The following RPTOR variants were observed in gnomAD, a reference collection of about 807,000 sequenced individuals.
RPTOR encodes the protein regulatory associated protein of MTOR complex 1.
RPTOR carries 21 observed loss-of-function variants against 169.9 expected under a neutral mutation model. The observed-to-expected ratio is 0.12, with a 90% CI of 0.09 to 0.18. RPTOR has a LOEUF of 0.18. Among genes scored for constraint, RPTOR ranks in the 10% least tolerant of loss-of-function variants. The probability of loss-of-function intolerance (pLI) is 1.00; values close to 1 mark genes in which losing one functional copy is unlikely to be tolerated. For synonymous variants in RPTOR, 732 were observed against 753.2 expected (o/e 0.97, Z 0.46); for missense variants, 1,133 against 1,855.9 (o/e 0.61, Z 7.16).
chr17:80,667,000 C>T (rs2065785275), intron 3 of RPTOR, among the ~76,000 whole-genome samples: 1 of 152,194 alleles, frequency 6.6e-6, no homozygotes, highest in Non-Finnish European at 1.5e-5. Context: ...GTAGGTGGCA[C>T]TTGTTGAGTG....
At chr17:80,756,298 T>G (rs1300808021) in intron 6 of RPTOR, among the ~76,000 whole-genome samples, 3 of 152,220 alleles carry the variant, frequency 2.0e-5, no homozygotes, top group Non-Finnish European at 2.9e-5. Context: ...GATGCCACTC[T>G]TTGACCTTGG....
chr17:80,657,777 A>G (rs1004387009), intron 3 of RPTOR, among the ~76,000 whole-genome samples: 1 of 152,188 alleles, frequency 6.6e-6, no homozygotes, highest in African/African-American at 2.4e-5. Context: ...TATTTAGTCC[A>G]TTTACATTTA....
At chr17:80,677,078 G>A (rs1047318720) in intron 3 of RPTOR, among the ~76,000 whole-genome samples, 1 of 152,200 alleles carries the variant, frequency 6.6e-6, no homozygotes, top group Non-Finnish European at 1.5e-5. Flanking sequence ...TCAGGGGCAC[G>A]CTGTTGCATT....
At chr17:80,613,164 T>A (rs1467141119) in intron 1 of RPTOR, among the ~76,000 whole-genome samples, 1 of 152,152 alleles carries the variant, frequency 6.6e-6, no homozygotes, top group Non-Finnish European at 1.5e-5. Flanking sequence ...GCCACTTTCC[T>A]GCCTCTGCTC....
chr17:80,634,603 C>CTGTGTG (rs560638674), intron 2 of RPTOR, among the ~76,000 whole-genome samples: 1 of 26,214 alleles, frequency 3.8e-5, no homozygotes, highest in East Asian at 9.9e-4. Context: ...TGTGTGCGTA[C>CTGTGTG]TGTGTGTGTA....
At chr17:80,766,196 C>T (rs2066785516) in intron 6 of RPTOR, among the ~76,000 whole-genome samples, 1 of 152,284 alleles carries the variant, frequency 6.6e-6, no homozygotes, top group African/African-American at 2.4e-5. Context: ...ACTGGGACTA[C>T]AGGTGTATGC....
intron 11 of RPTOR, among the ~76,000 whole-genome samples, chr17:80,850,122 T>A (rs1250317617): frequency 6.6e-6 from 1 of 152,208 alleles, no homozygotes; most frequent in Non-Finnish European, 1.5e-5. Flanking sequence ...ATGCATGCAC[T>A]GCGTAGTGGT....
At chr17:80,893,400 G>T (rs1047921512) in intron 19 of RPTOR, among the ~76,000 whole-genome samples, 1 of 147,900 alleles carries the variant, frequency 6.8e-6, no homozygotes, top group Non-Finnish European at 1.5e-5. Flanking sequence ...GCCAGGGTGT[G>T]TGTGTGTGTG....
At chr17:80,830,146 A>G (rs1004036388) in intron 9 of RPTOR, among the ~76,000 whole-genome samples, 2 of 152,292 alleles carry the variant, frequency 1.3e-5, no homozygotes, top group East Asian at 3.9e-4. Context: ...CCCACGCTAT[A>G]GGTGTACACA....
chr17:80,565,190 G>A (rs1398714365), intron 1 of RPTOR, among the ~76,000 whole-genome samples: 1 of 152,164 alleles, frequency 6.6e-6, no homozygotes, highest in African/African-American at 2.4e-5. Flanking sequence ...TGAAAGTTTT[G>A]TAGAAAAACA....
intron 4 of RPTOR, among the ~76,000 whole-genome samples, chr17:80,712,053 A>T (rs927114987): frequency 5.9e-5 from 9 of 152,224 alleles, no homozygotes; most frequent in African/African-American, 2.2e-4. Flanking sequence ...AGTCTTTTTT[A>T]AAATAATAGA....
intron 4 of RPTOR, among the ~76,000 whole-genome samples, chr17:80,727,760 G>A (rs1169353976): frequency 6.9e-6 from 1 of 145,020 alleles, no homozygotes; most frequent in Non-Finnish European, 1.6e-5. Context: ...ATAATTTTCA[G>A]CTTTTTTTTT....
chr17:80,789,177 A>G (rs749550387), intron 6 of RPTOR, among the ~76,000 whole-genome samples: 24 of 152,170 alleles, frequency 1.6e-4, no homozygotes, highest in Admixed American at 7.9e-4. Flanking sequence ...ACTAATTCCA[A>G]TATCTGGCCA....
At position 80,896,542 on chromosome 17, in the gene RPTOR, C is replaced by T. The variant is rs531689614; in HGVS notation, c.2401+2677C>T. ...CCCGCATAGCCACCCCGGCACCCCACGGCCGCGCCGACACCCCACACAGCC... is the reference window on the plus strand; with the variant it reads ...CCCGCATAGCCACCCCGGCACCCCATGGCCGCGCCGACACCCCACACAGCC... On this transcript the variant is annotated intron_variant, in intron 20 of 33. Coordinates refer to ENST00000306801, the MANE Select transcript of RPTOR (RefSeq NM_020761.3). Among the ~76,000 whole-genome samples the T allele has an allele frequency of 1.8e-4, 27 of 148,376 alleles. 1 individual carries two copies. In the Middle Eastern group the frequency reaches 0.011, roughly 58 times the overall value.
rs573458348 is a variant in RPTOR, at chr17:80,837,918, G to A, written c.1137-4G>A. The A allele has an allele frequency of 8.7e-6, 14 of 1,610,114 alleles. No individual in the cohort carries two copies. The East Asian group carries it at 8.9e-5, about 10-fold the overall frequency. ...TCAGTGGATTTCCTCTGTTCTCTCCGCAGGCAAGCCTGGGACCTGGCTGTT... is the reference window on the plus strand; with the variant it reads ...TCAGTGGATTTCCTCTGTTCTCTCCACAGGCAAGCCTGGGACCTGGCTGTT... On this transcript the variant is annotated splice_polypyrimidine_tract_variant and splice_region_variant and intron_variant, in intron 9 of 33. Transcript: ENST00000306801.
chr17:80,913,579 A>C (rs1272008770), intron 21 of RPTOR, among the ~76,000 whole-genome samples: 1 of 152,076 alleles, frequency 6.6e-6, no homozygotes, highest in Non-Finnish European at 1.5e-5. Flanking sequence ...CAGCCTCCCA[A>C]GTAGCTGGGA....
At chr17:80,807,303 A>T (rs1450871659) in intron 7 of RPTOR, among the ~76,000 whole-genome samples, 1 of 151,932 alleles carries the variant, frequency 6.6e-6, no homozygotes, top group Non-Finnish European at 1.5e-5. Flanking sequence ...TACTTGCTTC[A>T]TCCTTTTTTT....
chr17:80,810,195 C>T (rs1201691619), intron 7 of RPTOR, among the ~76,000 whole-genome samples: 1 of 152,070 alleles, frequency 6.6e-6, no homozygotes, highest in Non-Finnish European at 1.5e-5. Context: ...CCTAAGAAAT[C>T]TTTGCCAACC....
At chr17:80,729,137 C>T (rs1479544549) in intron 4 of RPTOR, among the ~76,000 whole-genome samples, 4 of 152,330 alleles carry the variant, frequency 2.6e-5, no homozygotes, top group South Asian at 4.1e-4. Flanking sequence ...TTGCTGTGCA[C>T]GGACAAAGCT....
Sources: gnomAD v4.1 joint callset for allele counts (sites outside exome capture counted in the v4.1 genomes callset) on GRCh38, gnomAD v4.1.1 for gene constraint, MANE v1.5 for transcripts, NCBI Gene and HGNC (gene_info 2026-07-23, HGNC 2026-07-21) for gene names.